BRD4: variants seen among roughly 807,000 people sequenced by gnomAD.
The protein encoded by BRD4 is bromodomain containing 4, also known as bromodomain-containing protein 4.
A neutral mutation model predicts 142.1 loss-of-function variants in BRD4; 16 were observed. The ratio of observed to expected loss-of-function variants is 0.11; its 90% confidence interval spans 0.08 to 0.17. The LOEUF (loss-of-function observed/expected upper bound fraction) is 0.17. BRD4 is among the 10% of genes least tolerant of loss of function. The probability of loss-of-function intolerance (pLI) is 1.00; values close to 1 mark genes in which losing one functional copy is unlikely to be tolerated. For synonymous variants in BRD4, 833 were observed against 707.5 expected, an observed-to-expected ratio of 1.18 and a Z score of -2.82; for missense variants, 1,424 against 1,810.9, an observed-to-expected ratio of 0.79 and a Z score of 3.88.
At chr19:15,330,964 G>A (rs575467045) in intron 1 of BRD4, among the ~76,000 whole-genome samples, 101 of 152,212 alleles carry the variant, frequency 6.6e-4, no homozygotes, top group South Asian at 2.1e-3. Flanking sequence ...GGCTTACGAG[G>A]TAAACTGCGA....
chr19:15,264,618 T>G lies in BRD4; in HGVS notation c.998A>C (p.Lys333Thr). The change falls in exon 6 of 20, where the codon AAG (lysine) becomes ACG (threonine). Residue 333 changes from lysine (K) to threonine (T), a missense_variant. Physicochemically the swap from Lys to Thr is moderately conservative, Grantham distance 78. Transcript: ENST00000679869. ...GTGCTGCTGAGAGTCGGGCACGTCCTTCTTTGGAGGTTTCACAGGCCGGCT... is the reference window on the plus strand; with the variant it reads ...GTGCTGCTGAGAGTCGGGCACGTCCGTCTTTGGAGGTTTCACAGGCCGGCT... ...ESSRPVKPPKKDVPDSQQHPA... is the reference protein window; with the variant it reads ...ESSRPVKPPKTDVPDSQQHPA... 6.2e-7 allele frequency: 1 copy of G among 1,614,100 alleles called. No individual in the cohort carries two copies. The highest frequency in any genetic ancestry group is 2.2e-5 in the East Asian group (1 of 44,870).
intron 1 of BRD4, among the ~76,000 whole-genome samples, chr19:15,292,012 C>T (rs2047785556): frequency 6.6e-6 from 1 of 152,178 alleles, no homozygotes; most frequent in South Asian, 2.1e-4. Flanking sequence ...TTCCACTATA[C>T]CAGTTATTTT....
At chr19:15,278,459 C>T (rs2047672994) in intron 1 of BRD4, among the ~76,000 whole-genome samples, 1 of 148,158 alleles carries the variant, frequency 6.7e-6, no homozygotes, top group Admixed American at 6.9e-5. Flanking sequence ...CACTTGAACC[C>T]GGGAGGTGGA....
chr19:15,253,771 C>T, intron 11 of BRD4: 1 of 1,597,668 alleles, frequency 6.3e-7, no homozygotes, highest in African/African-American at 1.3e-5. Flanking sequence ...GAAGTCTCCA[C>T]TGGTGCAGAA....
intron 1 of BRD4, among the ~76,000 whole-genome samples, chr19:15,286,245 T>A (rs954863566): frequency 1.3e-5 from 2 of 152,020 alleles, no homozygotes; most frequent in African/African-American, 2.4e-5. Flanking sequence ...GCATAGCCCC[T>A]CCCCTGCACC....
chr19:15,263,685 G>A (rs1444691580), intron 6 of BRD4, 137 bp from the exon 7 acceptor site: 2 of 1,097,982 alleles, frequency 1.8e-6, no homozygotes, highest in East Asian at 5.0e-5. Context: ...TCTAGTGGGG[G>A]GACAGGCCAT....
At chr19:15,284,580 T>G (rs2047727127) in intron 1 of BRD4, among the ~76,000 whole-genome samples, 1 of 152,180 alleles carries the variant, frequency 6.6e-6, no homozygotes, top group Non-Finnish European at 1.5e-5. Context: ...CAACATTAAC[T>G]TCACTTTCAA....
chr19:15,315,109 C>T (rs937609559), intron 1 of BRD4, among the ~76,000 whole-genome samples: 3 of 151,408 alleles, frequency 2.0e-5, no homozygotes, highest in African/African-American at 4.9e-5. Flanking sequence ...TAGCACTGTG[C>T]GTGGAGTTTA....
rs2047574800 is a variant in BRD4 at position 15,270,434 on chromosome 19, C to G, written c.286-1392G>C. The stretch of plus-strand genomic sequence containing the variant: ...GTCAAGAGGGGAGACTGGAAGCAGA[C>G]TATCGGTGCCACTTTCTATGCTCTG... On this transcript the variant is annotated intron_variant, in intron 2 of 19. Transcript: ENST00000679869. Among the ~76,000 whole-genome samples, 3 of 152,194 alleles carry G rather than the reference C, an allele frequency of 2.0e-5. No homozygotes were observed. The South Asian group carries it at 6.2e-4, about 31-fold the overall frequency.
At chr19:15,285,783 T>C (rs2047735395) in intron 1 of BRD4, among the ~76,000 whole-genome samples, 1 of 152,152 alleles carries the variant, frequency 6.6e-6, no homozygotes, top group Non-Finnish European at 1.5e-5. Flanking sequence ...AACATAGTTA[T>C]CAATCAGGAA....
At chr19:15,277,842 A>G (rs2047664145) in intron 1 of BRD4, among the ~76,000 whole-genome samples, 1 of 147,448 alleles carries the variant, frequency 6.8e-6, no homozygotes, top group South Asian at 2.2e-4. Flanking sequence ...AATCAACATG[A>G]ACACCTGTAA....
intron 1 of BRD4, among the ~76,000 whole-genome samples, chr19:15,302,224 T>G (rs1345267146): frequency 6.6e-6 from 1 of 151,466 alleles, no homozygotes; most frequent in East Asian, 1.9e-4. Flanking sequence ...ACAAACCACA[T>G]GCAGTACACC....
At chr19:15,260,110 G>A (rs1166241006) in intron 7 of BRD4, among the ~76,000 whole-genome samples, 4 of 152,208 alleles carry the variant, frequency 2.6e-5, no homozygotes, top group African/African-American at 7.2e-5. Flanking sequence ...TCCTCTGGAG[G>A]TCTGGGTCTG....
intron 1 of BRD4, among the ~76,000 whole-genome samples, chr19:15,325,397 G>C (rs1031917512): frequency 2.0e-5 from 3 of 152,170 alleles, no homozygotes; most frequent in Non-Finnish European, 4.4e-5. Context: ...TTCCAGTTAA[G>C]ACTGGACTGG....
At chr19:15,306,405 A>C (rs2047914179) in intron 1 of BRD4, among the ~76,000 whole-genome samples, 1 of 152,060 alleles carries the variant, frequency 6.6e-6, no homozygotes. Flanking sequence ...AGTAGCTGGG[A>C]CCACAGGCGT....
intron 1 of BRD4, among the ~76,000 whole-genome samples, chr19:15,293,325 A>C (rs1326366914): frequency 6.6e-6 from 1 of 152,160 alleles, no homozygotes; most frequent in Non-Finnish European, 1.5e-5. Context: ...TAGACCCAGC[A>C]GGGTGGCACC....
intron 1 of BRD4, among the ~76,000 whole-genome samples, chr19:15,296,006 T>C (rs147310268): frequency 6.6e-6 from 1 of 151,978 alleles, no homozygotes; most frequent in East Asian, 1.9e-4. Context: ...GATATGATTG[T>C]TTAGGTAAAG....
intron 11 of BRD4, chr19:15,253,721 A>G (rs779677818): frequency 1.9e-6 from 3 of 1,598,436 alleles, no homozygotes; most frequent in Non-Finnish European, 1.7e-6. Flanking sequence ...AAGCGGCCGC[A>G]CTGCACGTGA....
Position 15,237,158 on chromosome 19 carries a change from AAAAAACAAAAAC to A in BRD4, c.*1207_*1218del, listed in dbSNP as rs961105056. On this transcript the variant is annotated 3_prime_UTR_variant, in exon 20 of 20. Transcript: ENST00000679869. ...ATCCCTTGGCCCTTCCTTTCTCAGT[AAAAAACAAAAAC>A]AAAAACAAAAACCAAAACCAAAAAA... 5.3e-5 allele frequency: 11 copies of A among 206,742 alleles called. No individual in the cohort carries two copies. Among genetic ancestry groups the A allele is most frequent in the African/African-American group, 9.3e-5 (4 of 43,134 alleles). The allele number at this position is 206,742 out of a possible 1,614,324, so 12.8% of individuals were successfully genotyped here.
Sources: gnomAD v4.1 joint callset for allele counts (sites outside exome capture counted in the v4.1 genomes callset) on GRCh38, gnomAD v4.1.1 for gene constraint, MANE v1.5 for transcripts, NCBI Gene and HGNC (gene_info 2026-07-23, HGNC 2026-07-21) for gene names.